LRRC4C: variants seen among roughly 807,000 people sequenced by gnomAD.
LRRC4C encodes the protein leucine-rich repeat-containing protein 4C.
LRRC4C carries 5 observed loss-of-function variants against 33.6 expected under a neutral mutation model. That is an observed-to-expected ratio of 0.15 (90% CI 0.08 to 0.31). The LOEUF is 0.31. LRRC4C is among the 10% of genes least tolerant of loss of function. The pLI is 1.00. For synonymous variants in LRRC4C, 329 were observed against 302.0 expected (o/e 1.09, Z -0.93); for missense variants, 560 against 796.7 (o/e 0.70, Z 3.58).
intron 4 of LRRC4C, among the ~76,000 whole-genome samples, chr11:40,290,196 A>G (rs1167185510): frequency 6.6e-6 from 1 of 152,206 alleles, no homozygotes; most frequent in East Asian, 1.9e-4. Flanking sequence ...TCATTGTGCT[A>G]AATTCCAGCT....
intron 1 of LRRC4C, among the ~76,000 whole-genome samples, chr11:41,195,056 C>A (rs559535184): frequency 5.9e-4 from 89 of 152,052 alleles, no homozygotes; most frequent in Non-Finnish European, 1.1e-3. Context: ...TGTATATTTA[C>A]CCATCTTACT....
intron 3 of LRRC4C, among the ~76,000 whole-genome samples, chr11:40,470,572 T>A (rs1269067191): frequency 2.6e-5 from 4 of 152,050 alleles, no homozygotes; most frequent in Non-Finnish European, 4.4e-5. Context: ...AGAAGGTGGG[T>A]AATAACAAAC....
chr11:41,107,996 GGAGAGTA>G (rs1396359560), intron 1 of LRRC4C, among the ~76,000 whole-genome samples: 2 of 75,720 alleles, frequency 2.6e-5, no homozygotes, highest in African/African-American at 9.5e-5. Context: ...AGGGGAGAGG[GGAGAGTA>G]GAGAGGAGAG....
intron 2 of LRRC4C, among the ~76,000 whole-genome samples, chr11:40,899,110 G>A (rs1956096789): frequency 7.4e-6 from 1 of 134,624 alleles, no homozygotes; most frequent in South Asian, 2.4e-4. Flanking sequence ...AAAAAAAAAA[G>A]CATTTTATTT....
At chr11:40,900,079 AT>A (rs1227285543) in intron 2 of LRRC4C, among the ~76,000 whole-genome samples, 1 of 151,924 alleles carries the variant, frequency 6.6e-6, no homozygotes, top group Non-Finnish European at 1.5e-5. Flanking sequence ...TATTTGTTTT[AT>A]TTTTTTATAT....
chr11:40,494,176 G>C (rs1387808199), intron 3 of LRRC4C, among the ~76,000 whole-genome samples: 4 of 152,092 alleles, frequency 2.6e-5, no homozygotes, highest in African/African-American at 7.2e-5. Flanking sequence ...TGGCTCTCCA[G>C]TATTGGTCCT....
chr11:40,397,220 G>T (rs1001481417), intron 3 of LRRC4C, among the ~76,000 whole-genome samples: 1 of 151,900 alleles, frequency 6.6e-6, no homozygotes, highest in South Asian at 2.1e-4. Context: ...AAAATATTTC[G>T]TCTTCTAATC....
chr11:40,346,791 T>C (rs1947154889), intron 3 of LRRC4C, among the ~76,000 whole-genome samples: 1 of 152,124 alleles, frequency 6.6e-6, no homozygotes, highest in Non-Finnish European at 1.5e-5. Flanking sequence ...CAATGAGGAG[T>C]AGTATTTTAT....
At position 40,768,590 on chromosome 11, in the gene LRRC4C, T is replaced by C. The variant is rs578032852; in HGVS notation, c.-406-120312A>G. Among the ~76,000 whole-genome samples, 4 of 152,106 alleles carry C rather than the reference T, an allele frequency of 2.6e-5. No homozygotes were observed. The South Asian group carries it at 6.2e-4, about 24-fold the overall frequency. On this transcript the variant is annotated intron_variant, in intron 2 of 6. Coordinates refer to ENST00000528697, the MANE Select transcript of LRRC4C (RefSeq NM_001258419.2). ...TGAACACTGATGCAAAAATCCTCAA[T>C]AAAACACTGACAAACCAAATTCAAC...
intron 1 of LRRC4C, among the ~76,000 whole-genome samples, chr11:41,381,074 A>G (rs1037798092): frequency 6.6e-6 from 1 of 152,148 alleles, no homozygotes; most frequent in African/African-American, 2.4e-5. Flanking sequence ...AAGTGGTTCC[A>G]GGCAAAAACA....
intron 1 of LRRC4C, among the ~76,000 whole-genome samples, chr11:41,365,858 A>G (rs1952516608): frequency 6.6e-6 from 1 of 152,310 alleles, no homozygotes; most frequent in South Asian, 2.1e-4. Flanking sequence ...GAACAAGGCA[A>G]CACTAAAGTT....
chr11:41,031,487 A>G (rs913537867), intron 1 of LRRC4C, among the ~76,000 whole-genome samples: 3 of 152,034 alleles, frequency 2.0e-5, no homozygotes, highest in Non-Finnish European at 2.9e-5. Flanking sequence ...TAATTTACGC[A>G]TGATGAAAAA....
At chr11:40,185,886 C>G (rs1439728179) in intron 5 of LRRC4C, among the ~76,000 whole-genome samples, 1 of 152,054 alleles carries the variant, frequency 6.6e-6, no homozygotes, top group Non-Finnish European at 1.5e-5. Context: ...CTGTCCCTCC[C>G]CCTTCCCGTG....
chr11:41,304,830 C>T (rs1419105615), intron 1 of LRRC4C, among the ~76,000 whole-genome samples: 3 of 107,732 alleles, frequency 2.8e-5, no homozygotes, highest in African/African-American at 1.2e-4. Context: ...GGGGGTCAGC[C>T]CCCCGCCCGG....
chr11:40,238,695 A>G (rs1865732737), intron 5 of LRRC4C, among the ~76,000 whole-genome samples: 1 of 152,196 alleles, frequency 6.6e-6, no homozygotes, highest in Admixed American at 6.5e-5. Context: ...AAGAGTTGCA[A>G]AGAAGGAACA....
intron 1 of LRRC4C, among the ~76,000 whole-genome samples, chr11:41,042,712 G>T (rs1375010068): frequency 6.6e-6 from 1 of 152,116 alleles, no homozygotes; most frequent in Non-Finnish European, 1.5e-5. Context: ...AGTCGCAGTT[G>T]CATGATGATC....
intron 3 of LRRC4C, among the ~76,000 whole-genome samples, chr11:40,589,773 A>G (rs1958945866): frequency 6.7e-6 from 1 of 150,286 alleles, no homozygotes; most frequent in Non-Finnish European, 1.5e-5. Context: ...CTGGGTTGAA[A>G]ATTCTTTTCT....
At chr11:40,205,565 T>C (rs1056147833) in intron 5 of LRRC4C, among the ~76,000 whole-genome samples, 2 of 152,208 alleles carry the variant, frequency 1.3e-5, no homozygotes, top group Non-Finnish European at 2.9e-5. Context: ...ATTCTATTTT[T>C]CTCCTGCAGA....
chr11:40,879,296 C>T lies in LRRC4C; in HGVS notation c.-407+54339G>A, dbSNP rs961425300. 3.3e-5 allele frequency among the ~76,000 whole-genome samples: 5 copies of T among 152,174 alleles called. 1 individual carries two copies. Among genetic ancestry groups the T allele is most frequent in the Admixed American group, 3.3e-4 (5 of 15,262 alleles). On this transcript the variant is annotated intron_variant, in intron 2 of 6. Transcript: ENST00000528697. ...ATCACTTGTTGGAGTGAACCTCAAA[C>T]TGCTGGCCTAATTCTTAACGAAACA...
Sources: allele counts gnomAD v4.1 joint callset (sites outside exome capture counted in the v4.1 genomes callset), GRCh38; gene constraint gnomAD v4.1.1; transcripts MANE v1.5; gene names NCBI Gene and HGNC (gene_info 2026-07-23, HGNC 2026-07-21).